The following GRIA4 variants were observed in gnomAD, a reference collection of about 807,000 sequenced individuals.
GRIA4 encodes glutamate receptor 4.
In GRIA4, 34 loss-of-function variants were observed where a neutral mutation model predicts 104.0. That is an observed-to-expected ratio of 0.33 (90% CI 0.25 to 0.44). GRIA4 has a LOEUF of 0.44. Ranked by LOEUF, GRIA4 falls within the 20% of genes least tolerant of loss-of-function variation. The pLI, the probability that GRIA4 is intolerant of heterozygous loss-of-function variation, is 1.00. For synonymous variants in GRIA4, 386 were observed against 381.9 expected, an observed-to-expected ratio of 1.01 and a Z score of -0.13; for missense variants, 750 against 1,096.5, an observed-to-expected ratio of 0.68 and a Z score of 4.46.
intron 3 of GRIA4, among the ~76,000 whole-genome samples, chr11:105,634,523 A>G (rs1951151706): frequency 2.4e-5 from 1 of 42,294 alleles, no homozygotes; most frequent in Non-Finnish European, 9.0e-5. Context: ...GAAGAAAGAA[A>G]GAAAGAAAAG....
At chr11:105,622,532 C>A (rs913969296) in intron 3 of GRIA4, among the ~76,000 whole-genome samples, 2 of 151,824 alleles carry the variant, frequency 1.3e-5, no homozygotes, top group South Asian at 4.2e-4. Context: ...TTCTGATAGT[C>A]TTGCTTCTTC....
At chr11:105,742,960 C>T (rs180930722) in intron 3 of GRIA4, among the ~76,000 whole-genome samples, 3 of 152,214 alleles carry the variant, frequency 2.0e-5, no homozygotes, top group Non-Finnish European at 4.4e-5. Context: ...TGGTCTCGGA[C>T]TCCTGGCCTC....
chr11:105,821,911 G>A (rs534437119), intron 4 of GRIA4, among the ~76,000 whole-genome samples: 6 of 152,130 alleles, frequency 3.9e-5, no homozygotes, highest in South Asian at 2.1e-4. Context: ...CTGCTGCTTC[G>A]AGGTACCCAT....
chr11:105,694,252 C>T (rs754973260), intron 3 of GRIA4, among the ~76,000 whole-genome samples: 5 of 151,622 alleles, frequency 3.3e-5, no homozygotes, highest in South Asian at 2.1e-4. Flanking sequence ...AGGGTTCAAG[C>T]GATTCTCCTG....
intron 3 of GRIA4, among the ~76,000 whole-genome samples, chr11:105,650,210 T>C (rs952800892): frequency 6.6e-6 from 1 of 152,196 alleles, no homozygotes; most frequent in African/African-American, 2.4e-5. Flanking sequence ...AATACTTTCT[T>C]TTATTGGTTG....
At chr11:105,810,598 T>C (rs1943132139) in intron 4 of GRIA4, among the ~76,000 whole-genome samples, 1 of 152,112 alleles carries the variant, frequency 6.6e-6, no homozygotes, top group Admixed American at 6.5e-5. Flanking sequence ...TAACCAAGCC[T>C]CTTCTTGATG....
intron 4 of GRIA4, among the ~76,000 whole-genome samples, chr11:105,776,959 G>A (rs1941477188): frequency 6.6e-6 from 1 of 152,150 alleles, no homozygotes; most frequent in Non-Finnish European, 1.5e-5. Context: ...CTAACAGGGA[G>A]TTCCCTTGGC....
chr11:105,873,105 T>A (rs374918365), intron 5 of GRIA4, among the ~76,000 whole-genome samples: 1 of 152,110 alleles, frequency 6.6e-6, no homozygotes, highest in South Asian at 2.1e-4. Context: ...CCCCAGTGTG[T>A]GATGTTCCCC....
intron 5 of GRIA4, among the ~76,000 whole-genome samples, chr11:105,878,205 T>C (rs597542): frequency 0.38 from 57,395 of 152,064 alleles, 10,969 homozygotes; most frequent in Non-Finnish European, 0.41. Context: ...GGCTGGAGGT[T>C]CACTCCAGAC....
chr11:105,922,571 A>G (rs901472416), intron 11 of GRIA4, among the ~76,000 whole-genome samples: 1 of 152,172 alleles, frequency 6.6e-6, no homozygotes, highest in Admixed American at 6.6e-5. Flanking sequence ...ATGATTGAGT[A>G]CATTTTGACA....
At position 105,612,583 on chromosome 11, in the gene GRIA4, A is replaced by T. The variant is rs193111893; in HGVS notation, c.247+149A>T. ...AGGACAAATCAGAGTTAAAAACAAGACTTCGTTTCAGGGATATTTAGTTGT... is the reference window on the plus strand; with the variant it reads ...AGGACAAATCAGAGTTAAAAACAAGTCTTCGTTTCAGGGATATTTAGTTGT... On this transcript the variant is annotated intron_variant, in intron 3 of 16. Coordinates refer to ENST00000282499, the MANE Select transcript of GRIA4 (RefSeq NM_000829.4). The T allele has an allele frequency of 4.4e-5, 25 of 570,604 alleles. No homozygotes were observed. The Admixed American group carries it at 5.4e-4, about 12-fold the overall frequency. 35.3% of individuals were successfully genotyped at this position (570,604 alleles called of 1,614,324 possible).
intron 4 of GRIA4, among the ~76,000 whole-genome samples, chr11:105,761,258 T>C (rs1406741858): frequency 2.0e-5 from 3 of 152,118 alleles, no homozygotes; most frequent in Non-Finnish European, 4.4e-5. Flanking sequence ...TTGAGGTCTG[T>C]TTTTTCTTCT....
intron 3 of GRIA4, among the ~76,000 whole-genome samples, chr11:105,680,523 T>G (rs1369139145): frequency 1.3e-5 from 2 of 151,988 alleles, no homozygotes; most frequent in Non-Finnish European, 2.9e-5. Context: ...AGACTAGTGG[T>G]TTTTGTGTGT....
intron 14 of GRIA4, chr11:105,945,566 C>T (rs1160065953): frequency 2.6e-6 from 1 of 377,468 alleles, no homozygotes; most frequent in East Asian, 1.6e-4. Flanking sequence ...CCTCCCCCAC[C>T]TGTTTTTTAA....
chr11:105,681,570 CATGTG>C (rs1316005860), intron 3 of GRIA4, among the ~76,000 whole-genome samples: 1 of 152,118 alleles, frequency 6.6e-6, no homozygotes, highest in Non-Finnish European at 1.5e-5. Context: ...GTGGTAGCTA[CATGTG>C]ATTATTGAGG....
At chr11:105,658,612 T>C (rs1011612581) in intron 3 of GRIA4, among the ~76,000 whole-genome samples, 1 of 151,704 alleles carries the variant, frequency 6.6e-6, no homozygotes, top group Non-Finnish European at 1.5e-5. Flanking sequence ...TAAACAAAGA[T>C]GGAAAAATAC....
At chr11:105,705,846 T>C (rs1310601483) in intron 3 of GRIA4, among the ~76,000 whole-genome samples, 1 of 152,206 alleles carries the variant, frequency 6.6e-6, no homozygotes, top group Non-Finnish European at 1.5e-5. Flanking sequence ...AATTTAACAA[T>C]GTTTAATAAA....
chr11:105,627,422 GA>G (rs1183602370), intron 3 of GRIA4, among the ~76,000 whole-genome samples: 1 of 152,114 alleles, frequency 6.6e-6, no homozygotes, highest in Non-Finnish European at 1.5e-5. Flanking sequence ...TTCCACAGAA[GA>G]CAGCAAGAAT....
At chr11:105,693,334 A>G (rs1953154994) in intron 3 of GRIA4, among the ~76,000 whole-genome samples, 1 of 152,232 alleles carries the variant, frequency 6.6e-6, no homozygotes, top group South Asian at 2.1e-4. Context: ...TCTGGCCAAG[A>G]GGAAAGAAAA....
Sources: allele counts gnomAD v4.1 joint callset (sites outside exome capture counted in the v4.1 genomes callset), GRCh38; gene constraint gnomAD v4.1.1; transcripts MANE v1.5; gene names NCBI Gene and HGNC (gene_info 2026-07-23, HGNC 2026-07-21).